The following PLEKHA5 variants were observed in gnomAD, a reference collection of about 807,000 sequenced individuals.
The protein encoded by PLEKHA5 is pleckstrin homology domain containing A5.
In PLEKHA5, 55 loss-of-function variants were observed where a neutral mutation model predicts 181.9. The ratio of observed to expected loss-of-function variants is 0.30; its 90% CI spans 0.24 to 0.38. The LOEUF is 0.38. PLEKHA5 is among the 10% of genes least tolerant of loss of function. The pLI is 1.00. For missense variants in PLEKHA5, 1,432 were observed against 1,549.5 expected, an observed-to-expected ratio of 0.92 and a Z score of 1.27; for synonymous variants, 535 against 529.4, an observed-to-expected ratio of 1.01 and a Z score of -0.15.
rs1445441615 is a variant in PLEKHA5, at chr12:19,290,727, A to G, written c.1914A>G (p.Glu638=). Reference sequence around the variant, plus strand: ...TAAAGCTGAGACGGCAGCAAGCCGAACTGAGTAGTATCCGGGAGCATACGT... The same window carrying G: ...TAAAGCTGAGACGGCAGCAAGCCGAGCTGAGTAGTATCCGGGAGCATACGT... The part of the protein sequence containing the change: ...LLIKLRRQQA[E]LSSIREHTLA... Residue 638 remains glutamate, a synonymous_variant, in exon 14 of 32, where the codon GAA becomes GAG. Transcript: ENST00000429027. The G allele has an allele frequency of 6.5e-7, 1 of 1,535,894 alleles. No individual in the cohort carries two copies. The highest frequency in any genetic ancestry group is 2.0e-5 in the Admixed American group (1 of 50,982).
intron 3 of PLEKHA5, chr12:19,205,259 C>A: frequency 3.3e-6 from 1 of 299,584 alleles, no homozygotes; most frequent in Non-Finnish European, 4.9e-6. Flanking sequence ...ACTGAGCATG[C>A]TCATATGAAG....
At chr12:19,362,924 A>G (rs993337308) in intron 29 of PLEKHA5, among the ~76,000 whole-genome samples, 1 of 142,644 alleles carries the variant, frequency 7.0e-6, no homozygotes, top group African/African-American at 2.5e-5. Context: ...TTCCGAACCC[A>G]TGGATCTGGA....
At chr12:19,321,693 C>T (rs1044305260) in intron 18 of PLEKHA5, 1 of 151,686 alleles carries the variant, frequency 6.6e-6, no homozygotes, top group African/African-American at 2.4e-5. Context: ...CTTTTTAACA[C>T]CTTTCATTTT....
At chr12:19,181,484 G>A (rs2048562473) in intron 3 of PLEKHA5, among the ~76,000 whole-genome samples, 13 of 152,158 alleles carry the variant, frequency 8.5e-5, no homozygotes, top group Admixed American at 7.2e-4. Context: ...ATTTTAAAAA[G>A]CCCTTTAGGG....
intron 8 of PLEKHA5, among the ~76,000 whole-genome samples, chr12:19,267,061 CAAGT>C (rs1396868716): frequency 6.6e-6 from 1 of 152,108 alleles, no homozygotes; most frequent in Non-Finnish European, 1.5e-5. Context: ...GGATCACTCT[CAAGT>C]AAGAGGTCTT....
At chr12:19,310,330 C>T (rs1449984342) in intron 15 of PLEKHA5, among the ~76,000 whole-genome samples, 2 of 152,044 alleles carry the variant, frequency 1.3e-5, no homozygotes, top group Non-Finnish European at 2.9e-5. Context: ...ATTTTAAGAA[C>T]TTGAAGGCCA....
intron 6 of PLEKHA5, among the ~76,000 whole-genome samples, chr12:19,258,684 C>T (rs1479375261): frequency 1.3e-5 from 2 of 151,498 alleles, no homozygotes; most frequent in Non-Finnish European, 2.9e-5. Context: ...CCTGCCTCAG[C>T]TTCACGAGTA....
At chr12:19,299,297 G>A (rs1242204006) in intron 15 of PLEKHA5, among the ~76,000 whole-genome samples, 1 of 152,196 alleles carries the variant, frequency 6.6e-6, no homozygotes, top group Admixed American at 6.5e-5. Flanking sequence ...CTGTAGAACT[G>A]TCTGAACAGA....
At chr12:19,140,966 A>G (rs1477118920) in intron 3 of PLEKHA5, among the ~76,000 whole-genome samples, 3 of 151,890 alleles carry the variant, frequency 2.0e-5, no homozygotes, top group East Asian at 1.9e-4. Context: ...ATTTTTTTGT[A>G]TTTTTAGTAG....
intron 15 of PLEKHA5, among the ~76,000 whole-genome samples, chr12:19,299,575 C>A (rs954782079): frequency 2.0e-5 from 3 of 152,148 alleles, no homozygotes; most frequent in African/African-American, 7.2e-5. Context: ...TTGGATATTC[C>A]TCATCTTAAT....
chr12:19,354,116 A>G, intron 26 of PLEKHA5, 114 bp downstream of exon 26: 1 of 353,558 alleles, frequency 2.8e-6, no homozygotes, highest in East Asian at 4.1e-5. Context: ...TCAAAGAAAA[A>G]CTTAGTAATC....
intron 3 of PLEKHA5, among the ~76,000 whole-genome samples, chr12:19,249,741 A>G (rs2064765631): frequency 6.6e-6 from 1 of 152,190 alleles, no homozygotes; most frequent in African/African-American, 2.4e-5. Flanking sequence ...TAAGTTGCCA[A>G]AGATCACCTA....
chr12:19,251,405 T>G (rs2065236872), intron 3 of PLEKHA5, among the ~76,000 whole-genome samples: 1 of 18,570 alleles, frequency 5.4e-5, no homozygotes, highest in African/African-American at 9.8e-5. Context: ...AAACTCTGTC[T>G]CAAAAAAAAA....
At position 19,130,907 on chromosome 12, in the gene PLEKHA5, GTCC is replaced by G. The variant is rs2033592850; in HGVS notation, c.169+778_169+780del. On this transcript the variant is annotated intron_variant, in intron 2 of 31. Coordinates refer to ENST00000429027, the MANE Select transcript of PLEKHA5 (RefSeq NM_001256470.2). This position sits in a 1 kb window ranked among gnomAD's most constrained non-coding sequence, Gnocchi z 4.5. ...GGAGGCGGTGGGCGTGCGAGGGGGTGTCCCGTATGGGGGCACCCGGGCCCTGTT... is the reference window on the plus strand; with the variant it reads ...GGAGGCGGTGGGCGTGCGAGGGGGTGCGTATGGGGGCACCCGGGCCCTGTT... 1 of 152,318 alleles carries G rather than the reference GTCC, an allele frequency of 6.6e-6. No individual in the cohort carries two copies. Among genetic ancestry groups the G allele is most frequent in the Admixed American group, 6.5e-5 (1 of 15,272 alleles). The allele number at this position is 152,318 out of a possible 1,614,324, so 9.4% of individuals were successfully genotyped here.
chr12:19,230,703 G>A (rs1414617954), intron 3 of PLEKHA5, among the ~76,000 whole-genome samples: 8 of 152,086 alleles, frequency 5.3e-5, no homozygotes, highest in Admixed American at 3.3e-4. Context: ...GCCCACAAGC[G>A]CTACGTGCAC....
chr12:19,304,123 TAAGAAA>T (rs563983212), intron 15 of PLEKHA5, among the ~76,000 whole-genome samples: 1,997 of 148,778 alleles, frequency 0.013, 17 homozygotes, highest in Non-Finnish European at 0.022. Flanking sequence ...CCCCATCTCT[TAAGAAA>T]AAGAGTAACT....
At chr12:19,134,675 A>G (rs974589400) in intron 3 of PLEKHA5, among the ~76,000 whole-genome samples, 5 of 152,140 alleles carry the variant, frequency 3.3e-5, no homozygotes, top group African/African-American at 1.2e-4. Flanking sequence ...CACTACTTTT[A>G]TCTTAAACTT....
chr12:19,152,917 C>T (rs1161172573), intron 3 of PLEKHA5: 1 of 151,990 alleles, frequency 6.6e-6, no homozygotes, highest in Non-Finnish European at 1.5e-5. Flanking sequence ...CTTACCTTCA[C>T]ATTCCAAGAG....
At chr12:19,259,982 T>C (rs2067980679) in intron 6 of PLEKHA5, among the ~76,000 whole-genome samples, 1 of 152,024 alleles carries the variant, frequency 6.6e-6, no homozygotes, top group Non-Finnish European at 1.5e-5. Context: ...TTTCTTTTTT[T>C]TTGGTATCTG....
Sources: gnomAD v4.1 joint callset for allele counts (sites outside exome capture counted in the v4.1 genomes callset) on GRCh38, gnomAD v4.1.1 for gene constraint, Gnocchi (gnomAD v3.1) non-coding constraint, MANE v1.5 for transcripts, NCBI Gene and HGNC (gene_info 2026-07-23, HGNC 2026-07-21) for gene names.